The following MTRF1 variants were observed in gnomAD, a reference collection of about 807,000 sequenced individuals.
MTRF1 encodes the protein mitochondrial translation release factor 1.
MTRF1 carries 51 observed loss-of-function variants against 62.9 expected under a neutral mutation model. That is an observed-to-expected ratio of 0.81 (90% CI 0.65 to 1.02). MTRF1 has a LOEUF of 1.02. MTRF1 is among the 50% of genes least tolerant of loss of function. The pLI is 0.00. For synonymous variants in MTRF1, 158 were observed against 181.9 expected (o/e 0.87, Z 1.06); for missense variants, 446 against 530.0 (o/e 0.84, Z 1.56).
chr13:41,300,640 C>A, the MTRF1 span, among the ~76,000 whole-genome samples: 1 of 151,844 alleles, frequency 6.6e-6, no homozygotes, highest in East Asian at 1.9e-4. Context: ...GAACTCCTGG[C>A]CTCAAGCAAT....
At chr13:41,225,723 C>T (rs1239903189) in intron 8 of MTRF1, among the ~76,000 whole-genome samples, 14 of 149,780 alleles carry the variant, frequency 9.3e-5, no homozygotes, top group African/African-American at 3.2e-4. Context: ...GCAGGAGAAT[C>T]GCTTGAACCA....
the MTRF1 span, among the ~76,000 whole-genome samples, chr13:41,285,070 C>G: frequency 7.9e-5 from 12 of 152,304 alleles, no homozygotes; most frequent in Non-Finnish European, 7.4e-5. Context: ...TACTGATTAA[C>G]GTATGATCTA....
chr13:41,263,860 G>A (rs1243234583), upstream of MTRF1, among the ~76,000 whole-genome samples: 3 of 152,092 alleles, frequency 2.0e-5, no homozygotes, highest in Admixed American at 1.3e-4. Context: ...CTCCCAGAGC[G>A]CCCACCAAAG....
intron 5 of MTRF1, among the ~76,000 whole-genome samples, chr13:41,246,444 T>G (rs529901883): frequency 8.5e-5 from 13 of 152,308 alleles, no homozygotes; most frequent in African/African-American, 2.6e-4. Flanking sequence ...AAAGTCAGCA[T>G]GTTAGACAAA....
At chr13:41,290,859 G>A in the MTRF1 span, among the ~76,000 whole-genome samples, 10 of 150,784 alleles carry the variant, frequency 6.6e-5, no homozygotes, top group South Asian at 2.1e-4. Flanking sequence ...TTGGGAGGCC[G>A]AGGTGGGTGG....
the MTRF1 span, among the ~76,000 whole-genome samples, chr13:41,298,734 T>C: frequency 1.3e-5 from 2 of 152,248 alleles, no homozygotes; most frequent in Non-Finnish European, 2.9e-5. Context: ...TTTTAAATTA[T>C]GTCTTTAAGT....
intron 5 of MTRF1, among the ~76,000 whole-genome samples, chr13:41,241,937 GCATCA>G (rs1208289990): frequency 6.6e-6 from 1 of 152,170 alleles, no homozygotes; most frequent in East Asian, 1.9e-4. Context: ...GACACTGAAT[GCATCA>G]CTGGGGTTAC....
intron 6 of MTRF1, 131 bp from the exon 7 acceptor site, chr13:41,234,138 T>A: frequency 1.4e-6 from 1 of 723,322 alleles, no homozygotes; most frequent in East Asian, 2.7e-5. Flanking sequence ...AAGTAACTTA[T>A]ACCAAAGAAA....
At chr13:41,258,506 G>A (rs1481926403) in intron 2 of MTRF1, among the ~76,000 whole-genome samples, 1 of 150,272 alleles carries the variant, frequency 6.7e-6, no homozygotes, top group Non-Finnish European at 1.5e-5. Flanking sequence ...CAGCTACTCA[G>A]AAGGCTGAGG....
chr13:41,249,619 C>CAT (rs2038772394), intron 5 of MTRF1, among the ~76,000 whole-genome samples: 2 of 61,530 alleles, frequency 3.3e-5, no homozygotes, highest in Non-Finnish European at 5.4e-5. Context: ...ATTTTTTTTT[C>CAT]TTTTTTTTTT....
chr13:41,259,419 G>A (rs1649215216), intron 2 of MTRF1, among the ~76,000 whole-genome samples: 1 of 152,156 alleles, frequency 6.6e-6, no homozygotes. Flanking sequence ...TAAAGTACTG[G>A]CTGGGCATGG....
the MTRF1 span, among the ~76,000 whole-genome samples, chr13:41,311,830 C>G: frequency 6.6e-6 from 1 of 152,238 alleles, no homozygotes; most frequent in Non-Finnish European, 1.5e-5. Flanking sequence ...CGCGCTCTTT[C>G]CAGAAACTTC....
chr13:41,226,657 A>G (rs913906145), intron 7 of MTRF1, 89 bp from the exon 8 acceptor site: 3 of 1,433,732 alleles, frequency 2.1e-6, no homozygotes, highest in Non-Finnish European at 2.9e-6. Flanking sequence ...CAGGTTAATC[A>G]GGAAAAGATC....
chr13:41,239,792 G>C (rs1018422355), intron 6 of MTRF1, among the ~76,000 whole-genome samples: 1 of 152,124 alleles, frequency 6.6e-6, no homozygotes, highest in African/African-American at 2.4e-5. Context: ...TCAATGATAA[G>C]AGGGGCAACT....
At chr13:41,265,364 T>C (rs1251593520), upstream of MTRF1, among the ~76,000 whole-genome samples, 1 of 150,786 alleles carries the variant, frequency 6.6e-6, no homozygotes, top group Admixed American at 6.6e-5. Context: ...GAGGTGGCAG[T>C]GAGCCAAGAT....
At chr13:41,229,222 G>A (rs965964278) in intron 7 of MTRF1, 2 of 152,214 alleles carry the variant, frequency 1.3e-5, no homozygotes, top group African/African-American at 2.4e-5. Flanking sequence ...TGTAATAATT[G>A]TACATATTTA....
chr13:41,227,210 C>G (rs552306165), intron 7 of MTRF1, among the ~76,000 whole-genome samples: 10 of 151,966 alleles, frequency 6.6e-5, no homozygotes, highest in Non-Finnish European at 1.2e-4. Flanking sequence ...TCGCTTGAAC[C>G]TGGGAGGCGG....
chr13:41,293,270 G>C, the MTRF1 span, among the ~76,000 whole-genome samples: 7 of 152,154 alleles, frequency 4.6e-5, no homozygotes, highest in South Asian at 8.3e-4. Flanking sequence ...ATAAATTAGT[G>C]CTCATATAAA....
chr13:41,237,182 G>A (rs2036749718), intron 6 of MTRF1, among the ~76,000 whole-genome samples: 1 of 128,432 alleles, frequency 7.8e-6, no homozygotes. Flanking sequence ...TGGGGCCACT[G>A]CACTCTAGCC....
Sources: gnomAD v4.1 joint callset for allele counts (sites outside exome capture counted in the v4.1 genomes callset) on GRCh38, gnomAD v4.1.1 for gene constraint, MANE v1.5 for transcripts, NCBI Gene and HGNC (gene_info 2026-07-23, HGNC 2026-07-21) for gene names.